Variants in EML6 observed in about 807,000 individuals in gnomAD.
EML6 encodes echinoderm microtubule-associated protein-like 6.
EML6 carries 154 observed loss-of-function variants against 240.1 expected under a neutral mutation model. The observed-to-expected ratio is 0.64, with a 90% CI of 0.56 to 0.73. The LOEUF is 0.73. Ranked by LOEUF, EML6 falls within the 30% of genes least tolerant of loss-of-function variation. The probability of loss-of-function intolerance (pLI) is 0.00; values close to 1 mark genes in which losing one functional copy is unlikely to be tolerated. For synonymous variants in EML6, 1,148 were observed against 899.0 expected, an observed-to-expected ratio of 1.28 and a Z score of -4.95; for missense variants, 2,964 against 2,474.6, an observed-to-expected ratio of 1.20 and a Z score of -4.20.
intron 30 of EML6, among the ~76,000 whole-genome samples, chr2:54,951,705 A>G (rs1466924872): frequency 7.6e-6 from 1 of 130,904 alleles, no homozygotes; most frequent in Non-Finnish European, 1.7e-5. Flanking sequence ...GCCTCAAGAA[A>G]AAAAAAAAAA....
At chr2:54,796,503 CT>C (rs940698116) in intron 2 of EML6, among the ~76,000 whole-genome samples, 1 of 144,968 alleles carries the variant, frequency 6.9e-6, no homozygotes, top group Non-Finnish European at 1.5e-5. Flanking sequence ...TTTTTTTTTT[CT>C]TTTTTTTTGT....
At chr2:54,921,976 G>A (rs894952355) in intron 26 of EML6, among the ~76,000 whole-genome samples, 1 of 152,086 alleles carries the variant, frequency 6.6e-6, no homozygotes, top group Non-Finnish European at 1.5e-5. Flanking sequence ...ACAACTCCTA[G>A]AAGAAAATAT....
chr2:54,959,895 G>A (rs1676415713), intron 34 of EML6, among the ~76,000 whole-genome samples: 1 of 152,230 alleles, frequency 6.6e-6, no homozygotes, highest in African/African-American at 2.4e-5. Flanking sequence ...GAGGGGAGAT[G>A]CAGAAGCAAA....
rs572159044 is a variant in EML6 at position 54,763,754 on chromosome 2, G to A, written c.197+38496G>A. 4.1e-4 allele frequency among the ~76,000 whole-genome samples: 62 copies of A among 152,260 alleles called. 1 individual carries two copies. The highest frequency in any genetic ancestry group is 1.4e-3 in the African/African-American group (60 of 41,546). Reference sequence around the variant, plus strand: ...AATTGGGTATGACATTAATTTCATCGGAAAACAGCTTCAGCAGGCCTGGCA... The same window carrying A: ...AATTGGGTATGACATTAATTTCATCAGAAAACAGCTTCAGCAGGCCTGGCA... On this transcript the variant is annotated intron_variant, in intron 2 of 41. Coordinates refer to ENST00000356458, the MANE Select transcript of EML6 (RefSeq NM_001039753.4).
chr2:54,858,831 A>C (rs1197881606), intron 11 of EML6, among the ~76,000 whole-genome samples: 1 of 152,210 alleles, frequency 6.6e-6, no homozygotes, highest in African/African-American at 2.4e-5. Context: ...TCATTTAGAG[A>C]AACTGTGAGA....
Position 54,901,298 on chromosome 2 carries a change from T to C in EML6, c.3124+1516T>C, listed in dbSNP as rs111982994. 1.1e-3 allele frequency among the ~76,000 whole-genome samples: 164 copies of C among 152,362 alleles called. 1 individual carries two copies. Among genetic ancestry groups the C allele is most frequent in the African/African-American group, 3.4e-3 (140 of 41,588 alleles). ...TTAACACTATTTCCCTCTGCCGTGT[T>C]GCCTGTCTTTACACTAGGCTCCTGG... On this transcript the variant is annotated intron_variant, in intron 22 of 41. Transcript: ENST00000356458.
intron 17 of EML6, 43 bp from the exon 18 acceptor site, chr2:54,891,011 T>C: frequency 1.0e-6 from 1 of 954,676 alleles, no homozygotes; most frequent in Non-Finnish European, 1.6e-6. Context: ...CTGTTACTGC[T>C]TCCATCCAAA....
intron 17 of EML6, among the ~76,000 whole-genome samples, chr2:54,887,164 TG>T (rs1327388356): frequency 2.0e-5 from 3 of 152,214 alleles, no homozygotes; most frequent in Non-Finnish European, 4.4e-5. Context: ...GCTCAGTTGG[TG>T]GGTTCTGGGA....
chr2:54,894,295 A>G (rs763762040), intron 19 of EML6, among the ~76,000 whole-genome samples: 3 of 152,024 alleles, frequency 2.0e-5, no homozygotes, highest in South Asian at 2.1e-4. Flanking sequence ...AGCTTAGAAC[A>G]GGAATAAAGA....
intron 26 of EML6, 50 bp downstream of exon 26, chr2:54,916,985 T>G (rs908877428): frequency 1.5e-6 from 2 of 1,360,322 alleles, no homozygotes; most frequent in Middle Eastern, 3.8e-4. Context: ...CTTAATAACC[T>G]TAAATATTGT....
At chr2:54,960,551 C>T (rs1370618439) in intron 35 of EML6, among the ~76,000 whole-genome samples, 1 of 152,098 alleles carries the variant, frequency 6.6e-6, no homozygotes, top group Non-Finnish European at 1.5e-5. Flanking sequence ...TTTTTGTGTC[C>T]AGCACACAGG....
intron 2 of EML6, among the ~76,000 whole-genome samples, chr2:54,791,946 C>T (rs777892113): frequency 6.6e-6 from 1 of 152,156 alleles, no homozygotes; most frequent in Non-Finnish European, 1.5e-5. Flanking sequence ...TCTTGTTTGA[C>T]TCAGAAAATC....
chr2:54,863,081 G>A (rs908500024), intron 12 of EML6, among the ~76,000 whole-genome samples: 1 of 152,226 alleles, frequency 6.6e-6, no homozygotes, highest in South Asian at 2.1e-4. Context: ...CAGCAGGCAT[G>A]AGCAGGTGAT....
chr2:54,866,663 A>G, intron 13 of EML6, 103 bp from the exon 14 acceptor site: 2 of 578,022 alleles, frequency 3.5e-6, no homozygotes, highest in South Asian at 6.0e-5. Flanking sequence ...TTTCAAAGAC[A>G]TTTTATTGAA....
intron 36 of EML6, among the ~76,000 whole-genome samples, 168 bp downstream of exon 36, chr2:54,962,879 G>A (rs1220244335): frequency 6.6e-6 from 1 of 152,092 alleles, no homozygotes; most frequent in African/African-American, 2.4e-5. Context: ...ACCACACCCC[G>A]TCTAAACAAT....
At chr2:54,946,147 C>T (rs181123151) in intron 28 of EML6, among the ~76,000 whole-genome samples, 2 of 152,314 alleles carry the variant, frequency 1.3e-5, no homozygotes, top group South Asian at 4.1e-4. Context: ...TTGCCAGGCT[C>T]CCTCCTTAAA....
At chr2:54,923,803 C>G (rs547284872) in intron 26 of EML6, among the ~76,000 whole-genome samples, 8 of 152,238 alleles carry the variant, frequency 5.3e-5, no homozygotes, top group African/African-American at 1.7e-4. Flanking sequence ...CCCCATGCCC[C>G]CTCCCTCCCT....
intron 16 of EML6, among the ~76,000 whole-genome samples, chr2:54,871,918 A>C (rs1307894831): frequency 6.6e-6 from 1 of 152,246 alleles, no homozygotes; most frequent in African/African-American, 2.4e-5. Flanking sequence ...AGCAATTTGA[A>C]ATCCAGAGCA....
intron 12 of EML6, among the ~76,000 whole-genome samples, chr2:54,861,775 T>G (rs578194117): frequency 4.4e-4 from 66 of 150,382 alleles, no homozygotes; most frequent in South Asian, 2.4e-3. Context: ...TTTTGTTTTT[T>G]TTTTTTTTTT....
Sources: gnomAD v4.1 joint callset for allele counts (sites outside exome capture counted in the v4.1 genomes callset) on GRCh38, gnomAD v4.1.1 for gene constraint, MANE v1.5 for transcripts, NCBI Gene and HGNC (gene_info 2026-07-23, HGNC 2026-07-21) for gene names.